The following SEC31B variants were observed in gnomAD, a reference collection of about 807,000 sequenced individuals.
SEC31B encodes the protein protein transport protein Sec31B.
SEC31B carries 113 observed loss-of-function variants against 135.0 expected under a neutral mutation model. That is an observed-to-expected ratio of 0.84 (90% CI 0.72 to 0.98). The LOEUF (loss-of-function observed/expected upper bound fraction) is 0.98. Ranked by LOEUF, SEC31B falls within the 50% of genes least tolerant of loss-of-function variation. The probability of loss-of-function intolerance (pLI) is 0.00; values close to 1 mark genes in which losing one functional copy is unlikely to be tolerated. For synonymous variants in SEC31B, 508 were observed against 549.4 expected, an observed-to-expected ratio of 0.92 and a Z score of 1.05; for missense variants, 1,296 against 1,421.1, an observed-to-expected ratio of 0.91 and a Z score of 1.42.
At chr10:100,510,581 C>A (rs769135688) in intron 3 of SEC31B, among the ~76,000 whole-genome samples, 5 of 152,206 alleles carry the variant, frequency 3.3e-5, no homozygotes, top group Non-Finnish European at 7.4e-5. Flanking sequence ...ATTTCCACAG[C>A]CCTTTGGAGA....
Position 100,506,438 on chromosome 10 carries a change from G to T in SEC31B, c.783-18C>A. 1.2e-6 allele frequency: 2 copies of T among 1,612,428 alleles called. No individual in the cohort carries two copies. The highest frequency in any genetic ancestry group is 1.7e-6 in the Non-Finnish European group (2 of 1,178,530). On this transcript the variant is annotated intron_variant, in intron 7 of 25. Transcript: ENST00000370345. Reference sequence around the variant, plus strand: ...AGATCCCCCTAAAAAGAGAAGGGAAGAGGAACTAGCATTTGTTGAATGCCT... The same window carrying T: ...AGATCCCCCTAAAAAGAGAAGGGAATAGGAACTAGCATTTGTTGAATGCCT...
At position 100,487,189 on chromosome 10, in the gene SEC31B, G is replaced by T. The variant is rs933246228; in HGVS notation, c.*427C>A. ...ATACCAAGTCAGAGGCAGGGAAAAG[G>T]TAAGGGCAGGCTCATAAACCACAGA... is the stretch of plus-strand genomic sequence containing the variant. On this transcript the variant is annotated 3_prime_UTR_variant, in exon 26 of 26. Coordinates refer to ENST00000370345, the MANE Select transcript of SEC31B (RefSeq NM_015490.4). The T allele has an allele frequency of 5.3e-6, 1 of 188,144 alleles. No homozygotes were observed. Among genetic ancestry groups the T allele is most frequent in the African/African-American group, 2.4e-5 (1 of 41,730 alleles). 11.7% of individuals were successfully genotyped at this position (188,144 alleles called of 1,614,324 possible). A position where few individuals can be genotyped will look rare whatever the true frequency, so the allele number is the denominator to read the frequency against.
At chr10:100,515,276 A>G (rs1181546285) in intron 3 of SEC31B, among the ~76,000 whole-genome samples, 1 of 152,220 alleles carries the variant, frequency 6.6e-6, no homozygotes, top group Non-Finnish European at 1.5e-5. Context: ...TGGGCGACAG[A>G]GTAAGACCCT....
At chr10:100,509,207 A>G in intron 4 of SEC31B, 105 bp from the exon 5 acceptor site, 1 of 1,494,102 alleles carries the variant, frequency 6.7e-7, no homozygotes, top group Middle Eastern at 1.7e-4. Flanking sequence ...CTCCCCTGAA[A>G]CAGCCTGGAA....
intron 3 of SEC31B, among the ~76,000 whole-genome samples, chr10:100,514,912 C>T (rs535853730): frequency 6.9e-6 from 1 of 144,092 alleles, no homozygotes; most frequent in African/African-American, 2.6e-5. Context: ...ACCTGGGAAA[C>T]AGAGGTTGCA....
chr10:100,490,745 C>T lies in SEC31B; in HGVS notation c.2611G>A (p.Ala871Thr), dbSNP rs1197701335. Residue 871 changes from alanine (A) to threonine (T), a missense_variant, in exon 20 of 26, where the codon GCC becomes ACC. Ala to Thr is a moderately conservative substitution (Grantham distance 58). Coordinates refer to ENST00000370345, the MANE Select transcript of SEC31B (RefSeq NM_015490.4). The stretch of plus-strand genomic sequence containing the variant: ...GGGCTCAAAGGCAAAGGCTGGATGG[C>T]CTGGGGCCCAGGTGCCCTGTAGTCA... ...ISDYRAPGPQAIQPLPLSPGV... is the reference protein window; with the variant it reads ...ISDYRAPGPQTIQPLPLSPGV... 6.2e-7 allele frequency: 1 copy of T among 1,604,044 alleles called. No homozygotes were observed. The highest frequency in any genetic ancestry group is 8.5e-7 in the Non-Finnish European group (1 of 1,174,184).
intron 11 of SEC31B, among the ~76,000 whole-genome samples, chr10:100,501,066 C>CAA (rs35965884): frequency 4.5e-5 from 6 of 133,126 alleles, no homozygotes; most frequent in Non-Finnish European, 9.8e-5. Context: ...ACAAAAAATA[C>CAA]AAAAAAAAAA....
In SEC31B at chr10:100,490,746, C is replaced by CT. The variant is rs775549102; in HGVS notation, c.2609dup (p.Ala871GlyfsTer30). ...GGCTCAAAGGCAAAGGCTGGATGGC[C>CT]TGGGGCCCAGGTGCCCTGTAGTCAC... is the stretch of plus-strand genomic sequence containing the variant. On this transcript the variant is annotated frameshift_variant, in exon 20 of 26. Transcript: ENST00000370345. LOFTEE classifies it high-confidence loss of function. 1.2e-5 allele frequency: 19 copies of CT among 1,604,398 alleles called. No individual in the cohort carries two copies. The highest frequency in any genetic ancestry group is 1.6e-5 in the Non-Finnish European group (19 of 1,174,380).
Position 100,509,522 on chromosome 10 carries a change from G to A in SEC31B, c.204-11C>T, listed in dbSNP as rs772299080. 6.3e-6 allele frequency: 10 copies of A among 1,598,872 alleles called. No individual in the cohort carries two copies. The African/African-American group carries it at 6.7e-5, about 11-fold the overall frequency. On this transcript the variant is annotated splice_polypyrimidine_tract_variant and intron_variant, in intron 3 of 25. Coordinates refer to ENST00000370345, the MANE Select transcript of SEC31B (RefSeq NM_015490.4). ...ACCAGCTTGTGAAACCTATAAAGAG[G>A]AGGAACTGGCATCAGTACAAACTTA...
intron 21 of SEC31B, 48 bp downstream of exon 21, chr10:100,489,959 GC>G: frequency 6.5e-7 from 1 of 1,533,000 alleles, no homozygotes; most frequent in East Asian, 2.3e-5. Context: ...AGTGAGAGGA[GC>G]AGGGGAGGCA....
At chr10:100,518,832 C>G (rs1223385046) in intron 1 of SEC31B, among the ~76,000 whole-genome samples, 1 of 152,228 alleles carries the variant, frequency 6.6e-6, no homozygotes, top group African/African-American at 2.4e-5. Flanking sequence ...TAAGCCTGCC[C>G]ATTAAGCCAA....
intron 3 of SEC31B, among the ~76,000 whole-genome samples, chr10:100,514,572 T>G (rs1264304502): frequency 2.0e-5 from 3 of 149,128 alleles, no homozygotes; most frequent in Admixed American, 6.7e-5. Flanking sequence ...AAAAAAAACC[T>G]GCAAAATAAG....
At chr10:100,498,421 G>A (rs1851454946) in intron 14 of SEC31B, 1 of 612,694 alleles carries the variant, frequency 1.6e-6, no homozygotes, top group South Asian at 2.0e-5. Context: ...TGATGTGGCA[G>A]TAGCACAGTG....
intron 5 of SEC31B, among the ~76,000 whole-genome samples, 166 bp from the exon 6 acceptor site, chr10:100,508,217 A>C (rs756145591): frequency 2.6e-5 from 4 of 152,194 alleles, no homozygotes; most frequent in Non-Finnish European, 4.4e-5. Flanking sequence ...TCCAGGGAGG[A>C]TCCTTTAGGG....
chr10:100,489,009 G>A (rs760228549), intron 23 of SEC31B, 35 bp from the exon 24 acceptor site: 12 of 1,570,820 alleles, frequency 7.6e-6, no homozygotes, highest in Non-Finnish European at 1.0e-5. Flanking sequence ...AGGCCAGAGG[G>A]GCAAGCTGTC....
At chr10:100,494,018 G>GGAAAGGGAGGGAGGAAAGGGAGGGAA (rs1554841085) in intron 19 of SEC31B, among the ~76,000 whole-genome samples, 8 of 151,466 alleles carry the variant, frequency 5.3e-5, no homozygotes, top group African/African-American at 1.9e-4. Flanking sequence ...AAGGGAGGGA[G>GGAAAGGGAGGGAGGAAAGGGAGGGAA]GAAAGGGAGG....
intron 10 of SEC31B, among the ~76,000 whole-genome samples, chr10:100,504,038 GT>G (rs2133687816): frequency 6.6e-6 from 1 of 152,234 alleles, no homozygotes; most frequent in East Asian, 1.9e-4. Context: ...GTACTTGATA[GT>G]TTTACAAAGT....
chr10:100,489,136 C>T (rs1851248763), intron 23 of SEC31B, 116 bp downstream of exon 23: 1 of 1,441,336 alleles, frequency 6.9e-7, no homozygotes, highest in Non-Finnish European at 9.2e-7. Context: ...ACACCTGGTA[C>T]CTGCCCCCAG....
In SEC31B at chr10:100,487,640, G is replaced by A. The variant is rs902902315; in HGVS notation, c.3516C>T (p.Ile1172=). The A allele has an allele frequency of 2.5e-6, 4 of 1,613,244 alleles. No homozygotes were observed. The highest frequency in any genetic ancestry group is 1.3e-5 in the African/African-American group (1 of 74,926). ...SFMPILKAVL[I]IAHKLLV is the part of the protein sequence containing the mutation. ...TTTAGACCAGCAGCTTATGAGCGAT[G>A]ATGAGGACAGCCTTCAGGATAGGCA... is the stretch of plus-strand genomic sequence containing the variant. The change falls in exon 26 of 26, where the codon ATC becomes ATT. Residue 1172 remains isoleucine (I), a synonymous_variant. Transcript: ENST00000370345.
Sources: gnomAD v4.1 joint callset for allele counts (sites outside exome capture counted in the v4.1 genomes callset) on GRCh38, gnomAD v4.1.1 for gene constraint, MANE v1.5 for transcripts, NCBI Gene and HGNC (gene_info 2026-07-23, HGNC 2026-07-21) for gene names.